The following PTPRN2 variants were observed in gnomAD, a reference collection of about 807,000 sequenced individuals.
The protein encoded by PTPRN2 is protein tyrosine phosphatase receptor type N2.
A neutral mutation model predicts 118.8 loss-of-function variants in PTPRN2; 74 were observed. The observed-to-expected ratio is 0.62, with a 90% CI of 0.52 to 0.76. The LOEUF (loss-of-function observed/expected upper bound fraction) is 0.76. PTPRN2 is among the 30% of genes least tolerant of loss of function. The probability of loss-of-function intolerance (pLI) is 0.00; values close to 1 mark genes in which losing one functional copy is unlikely to be tolerated. For missense variants in PTPRN2, 1,481 were observed against 1,394.4 expected (o/e 1.06, Z -0.99); for synonymous variants, 641 against 608.0 (o/e 1.05, Z -0.80).
intron 12 of PTPRN2, among the ~76,000 whole-genome samples, chr7:157,877,756 A>G (rs1236135091): frequency 1.3e-5 from 2 of 152,170 alleles, no homozygotes; most frequent in African/African-American, 4.8e-5. Flanking sequence ...GGCACTGCAC[A>G]GCTGGGAGCA....
At position 158,570,861 on chromosome 7, in the gene PTPRN2, T is replaced by C. The variant is rs1350800404; in HGVS notation, c.112+16697A>G. 6.6e-6 allele frequency among the ~76,000 whole-genome samples: 1 copy of C among 152,152 alleles called. No homozygotes were observed. Among genetic ancestry groups the C allele is most frequent in the Non-Finnish European group, 1.5e-5 (1 of 68,020 alleles). On this transcript the variant is annotated intron_variant, in intron 1 of 22. Transcript: ENST00000389418. The surrounding 1 kb of genome is among the most constrained non-coding windows in gnomAD (Gnocchi z 4.5). ...TAAAAGCATCCATAAAAGCCCGACA[T>C]TGTGGAAAGACACAAACGTGCATGG...
chr7:157,615,316 G>A lies in PTPRN2; in HGVS notation c.2344+6046C>T. ...AGAGCGGTGTGCGTGGGTTGCGGCTGGGTCTGCGCTGGGGTAGTGTAGGCT... is the reference window on the plus strand; with the variant it reads ...AGAGCGGTGTGCGTGGGTTGCGGCTAGGTCTGCGCTGGGGTAGTGTAGGCT... On this transcript the variant is annotated intron_variant, in intron 15 of 22. Transcript: ENST00000389418. This position sits in a 1 kb window ranked among gnomAD's most constrained non-coding sequence, Gnocchi z 4.3. The A allele has an allele frequency of 2.6e-6, 1 of 384,424 alleles. No homozygotes were observed. The highest frequency in any genetic ancestry group is 5.4e-6 in the Non-Finnish European group (1 of 184,190). 23.8% of individuals were successfully genotyped at this position (384,424 alleles called of 1,614,324 possible). A position where few individuals can be genotyped will look rare whatever the true frequency, so the allele number is the denominator to read the frequency against.
In PTPRN2 at chr7:157,787,060, C is replaced by T. The variant is rs1438223391; in HGVS notation, c.1789-104123G>A. On this transcript the variant is annotated intron_variant, in intron 12 of 22. Coordinates refer to ENST00000389418, the MANE Select transcript of PTPRN2 (RefSeq NM_002847.5). The surrounding 1 kb of genome is among the most constrained non-coding windows in gnomAD (Gnocchi z 5.3). ...GACGCGGGGGTGGCTGCCCGGGAGG[C>T]GGACGCGGGTGCGGCGGGGGACGCG... Among the ~76,000 whole-genome samples, 4 of 134,158 alleles carry T rather than the reference C, an allele frequency of 3.0e-5. No individual in the cohort carries two copies. The highest frequency in any genetic ancestry group is 4.8e-5 in the Non-Finnish European group (3 of 62,976). 88.0% of individuals were successfully genotyped at this position (134,158 alleles called of 152,430 possible). A position where few individuals can be genotyped will look rare whatever the true frequency, so the allele number is the denominator to read the frequency against.
At chr7:158,296,069 G>A (rs886824827) in intron 3 of PTPRN2, among the ~76,000 whole-genome samples, 1 of 152,184 alleles carries the variant, frequency 6.6e-6, no homozygotes, top group Non-Finnish European at 1.5e-5. Flanking sequence ...CTCTACCCCT[G>A]GACCTTTCCC....
Position 158,544,164 on chromosome 7 carries a change from G to A in PTPRN2, c.112+43394C>T, listed in dbSNP as rs79721939. Among the ~76,000 whole-genome samples the A allele has an allele frequency of 1.8e-3, 270 of 152,218 alleles. 8 individuals are homozygous for A. The East Asian group carries it at 0.035, about 20-fold the overall frequency. On this transcript the variant is annotated intron_variant, in intron 1 of 22. Coordinates refer to ENST00000389418, the MANE Select transcript of PTPRN2 (RefSeq NM_002847.5). This position sits in a 1 kb window ranked among gnomAD's most constrained non-coding sequence, Gnocchi z 4.2. ...CCAGAACCCAGTCCACACTCTGCCC[G>A]CATGATCTGCCTCTCCCCAAAACAG...
At chr7:158,203,505 TGATTTCTCAGAGGCAGGTCCTCCCTG>T (rs1212602176) in intron 4 of PTPRN2, among the ~76,000 whole-genome samples, 12 of 152,142 alleles carry the variant, frequency 7.9e-5, no homozygotes, top group South Asian at 2.1e-4. Context: ...TTGCTGAGTT[TGATTTCTCAGAGGCAGGTCCTCCCTG>T]GATTGTTCTC....
At position 157,676,402 on chromosome 7, in the gene PTPRN2, T is replaced by A. The variant is rs958035170; in HGVS notation, c.2001+6323A>T. ...CAGTTTCACACGAATCACCTCCTAG[T>A]GATGCGTGGACTAATGCTGTTTACC... is the stretch of plus-strand genomic sequence containing the variant. On this transcript the variant is annotated intron_variant, in intron 13 of 22. Transcript: ENST00000389418. This position sits in a 1 kb window ranked among gnomAD's most constrained non-coding sequence, Gnocchi z 5.6. 6.6e-5 allele frequency among the ~76,000 whole-genome samples: 10 copies of A among 152,208 alleles called. No homozygotes were observed. The highest frequency in any genetic ancestry group is 6.5e-4 in the Admixed American group (10 of 15,286).
rs1800513612 is a variant in PTPRN2, at chr7:157,583,808, G to T, written c.2497-5668C>A. On this transcript the variant is annotated intron_variant, in intron 17 of 22. Coordinates refer to ENST00000389418, the MANE Select transcript of PTPRN2 (RefSeq NM_002847.5). The surrounding 1 kb of genome is among the most constrained non-coding windows in gnomAD (Gnocchi z 5.5). ...GAGGCAGGAGAACTGCTTGTGCCTG[G>T]AAGGCAGAGGTTGCAGTGAGCTGAG... 6.6e-6 allele frequency among the ~76,000 whole-genome samples: 1 copy of T among 151,760 alleles called. No individual in the cohort carries two copies. The highest frequency in any genetic ancestry group is 2.1e-4 in the South Asian group (1 of 4,812).
chr7:157,992,762 G>A (rs1373331034), intron 11 of PTPRN2, among the ~76,000 whole-genome samples: 1 of 152,202 alleles, frequency 6.6e-6, no homozygotes, highest in East Asian at 1.9e-4. Context: ...CCGAGCTTGT[G>A]GACTGTCCTC....
chr7:157,996,564 T>A (rs1157644787), intron 11 of PTPRN2, among the ~76,000 whole-genome samples: 2 of 152,186 alleles, frequency 1.3e-5, no homozygotes, highest in Non-Finnish European at 2.9e-5. Context: ...ACATGGGGGC[T>A]CCCACCACCC....
At chr7:158,124,041 C>T (rs1305711297) in intron 9 of PTPRN2, among the ~76,000 whole-genome samples, 5 of 152,204 alleles carry the variant, frequency 3.3e-5, no homozygotes, top group African/African-American at 4.8e-5. Flanking sequence ...CCTCAGATCC[C>T]GTGCCGACAT....
chr7:157,989,018 C>A (rs1804036922), intron 11 of PTPRN2, among the ~76,000 whole-genome samples: 1 of 152,238 alleles, frequency 6.6e-6, no homozygotes, highest in African/African-American at 2.4e-5. Context: ...ACCGCTATAA[C>A]ACATTCCTCT....
intron 12 of PTPRN2, among the ~76,000 whole-genome samples, chr7:157,842,920 C>G (rs1349147374): frequency 6.6e-6 from 1 of 152,188 alleles, no homozygotes; most frequent in Non-Finnish European, 1.5e-5. Context: ...TTAGGAATAT[C>G]TTCCTCAGAG....
intron 14 of PTPRN2, among the ~76,000 whole-genome samples, chr7:157,644,802 C>CAA (rs749501197): frequency 6.4e-4 from 46 of 72,380 alleles, no homozygotes; most frequent in South Asian, 2.1e-3. Context: ...TCTCAAAAAA[C>CAA]AAAAAAAAAA....
intron 11 of PTPRN2, among the ~76,000 whole-genome samples, chr7:157,991,816 C>A (rs559860764): frequency 6.6e-6 from 1 of 151,536 alleles, no homozygotes; most frequent in African/African-American, 2.4e-5. Flanking sequence ...AAGTGATGCA[C>A]CCAAGGCTGG....
In PTPRN2 at chr7:157,764,507, C is replaced by T. The variant is rs1353756912; in HGVS notation, c.1789-81570G>A. Among the ~76,000 whole-genome samples the T allele has an allele frequency of 2.0e-5, 3 of 152,264 alleles. No homozygotes were observed. Among genetic ancestry groups the T allele is most frequent in the South Asian group, 2.1e-4 (1 of 4,828 alleles). On this transcript the variant is annotated intron_variant, in intron 12 of 22. Transcript: ENST00000389418. This position sits in a 1 kb window ranked among gnomAD's most constrained non-coding sequence, Gnocchi z 4.5. The stretch of plus-strand genomic sequence containing the variant: ...ATGATAAACACTGTGTGATTCCACT[C>T]GTATGGGGTCCTTAGAGTCATCAGA...
chr7:158,225,716 A>G (rs1828716314), intron 3 of PTPRN2, among the ~76,000 whole-genome samples: 2 of 152,260 alleles, frequency 1.3e-5, no homozygotes, highest in Admixed American at 1.3e-4. Context: ...GAAAGTTAAG[A>G]AAGTTTCATA....
intron 2 of PTPRN2, among the ~76,000 whole-genome samples, chr7:158,386,774 T>C (rs1811418607): frequency 6.6e-6 from 1 of 152,206 alleles, no homozygotes. Flanking sequence ...AGGCTCCTAC[T>C]GCATCGACTC....
chr7:158,491,936 G>C (rs1821482470), intron 1 of PTPRN2, among the ~76,000 whole-genome samples: 1 of 152,204 alleles, frequency 6.6e-6, no homozygotes, highest in Admixed American at 6.5e-5. Context: ...CGTTCTGAGA[G>C]ACACACACCT....
Sources: allele counts gnomAD v4.1 joint callset (sites outside exome capture counted in the v4.1 genomes callset), GRCh38; gene constraint gnomAD v4.1.1; non-coding constraint Gnocchi (gnomAD v3.1); transcripts MANE v1.5; gene names NCBI Gene and HGNC (gene_info 2026-07-23, HGNC 2026-07-21).